HDAC4: variants seen among roughly 807,000 people sequenced by gnomAD.
HDAC4 encodes the protein histone deacetylase 4.
A neutral mutation model predicts 135.1 loss-of-function variants in HDAC4; 16 were observed. The observed-to-expected ratio is 0.12, with a 90% CI of 0.08 to 0.18. The LOEUF (loss-of-function observed/expected upper bound fraction) is 0.18, where lower values mean the gene tolerates loss of function less well. Ranked by LOEUF, HDAC4 falls within the 10% of genes least tolerant of loss-of-function variation. HDAC4 has a pLI of 1.00. For synonymous variants in HDAC4, 685 were observed against 653.4 expected (o/e 1.05, Z -0.74); for missense variants, 1,143 against 1,511.8 (o/e 0.76, Z 4.05).
rs139469705 is a variant in HDAC4, at chr2:239,375,679, G to A, written c.-219-22761C>T. 2.3e-3 allele frequency among the ~76,000 whole-genome samples: 347 copies of A among 152,344 alleles called. 1 individual carries two copies. Among genetic ancestry groups the A allele is most frequent in the African/African-American group, 7.9e-3 (328 of 41,584 alleles). On this transcript the variant is annotated intron_variant, in intron 1 of 26. Coordinates refer to ENST00000543185, the MANE Select transcript of HDAC4 (RefSeq NM_001378414.1). ...TCAGTCACGCACAGGCTCCAGTGGC[G>A]CAGCAGAAGGGCAGTCTGGGGTGGA...
At chr2:239,128,181 G>C (rs950647624) in intron 11 of HDAC4, among the ~76,000 whole-genome samples, 1 of 152,134 alleles carries the variant, frequency 6.6e-6, no homozygotes, top group Non-Finnish European at 1.5e-5. Flanking sequence ...TTAAATTACA[G>C]TGAATAACTA....
intron 1 of HDAC4, among the ~76,000 whole-genome samples, chr2:239,377,882 T>C (rs377371461): frequency 2.0e-5 from 3 of 152,158 alleles, no homozygotes; most frequent in South Asian, 4.1e-4. Flanking sequence ...TGGGACTGTC[T>C]CCATATGCCA....
At chr2:239,097,805 A>G (rs994742022) in intron 16 of HDAC4, among the ~76,000 whole-genome samples, 1 of 152,122 alleles carries the variant, frequency 6.6e-6, no homozygotes, top group Non-Finnish European at 1.5e-5. Context: ...TGCCAACCTC[A>G]CCACAGTGGG....
chr2:239,388,355 T>C lies in HDAC4; in HGVS notation c.-220+12623A>G, dbSNP rs150010763. ...ACCTAATCCCAAAGCACATTCCTTC[T>C]AACACACCACTTGCCCGCAGGGAGG... On this transcript the variant is annotated intron_variant, in intron 1 of 26. Transcript: ENST00000543185. 3.4e-3 allele frequency among the ~76,000 whole-genome samples: 514 copies of C among 152,300 alleles called. 5 individuals carry two copies. The highest frequency in any genetic ancestry group is 0.012 in the African/African-American group (493 of 41,570).
At chr2:239,158,414 T>A (rs1274474397) in intron 6 of HDAC4, among the ~76,000 whole-genome samples, 1 of 152,202 alleles carries the variant, frequency 6.6e-6, no homozygotes, top group East Asian at 1.9e-4. Context: ...AAAATTATTA[T>A]ATTTGAACGG....
Position 239,134,324 on chromosome 2 carries a change from G to A in HDAC4, c.1215C>T (p.Asp405=), listed in dbSNP as rs143827247. The change falls in exon 11 of 27, where the codon GAC becomes GAT. Residue 405 remains aspartate (D), a synonymous_variant. Transcript: ENST00000543185. The part of the protein sequence containing the change: ...PYLSTSPLER[D]GGAAHSPLLQ... ...GAAGAGGGCTGTGCGCTGCCCCTCC[G>A]TCCCGCTCCAAGGGCGAGGTGCTCA... The A allele has an allele frequency of 3.0e-5, 49 of 1,613,778 alleles. No individual in the cohort carries two copies. The highest frequency in any genetic ancestry group is 2.4e-4 in the African/African-American group (18 of 74,940).
intron 6 of HDAC4, among the ~76,000 whole-genome samples, chr2:239,161,042 C>A (rs1465857071): frequency 6.6e-6 from 1 of 152,204 alleles, no homozygotes; most frequent in Non-Finnish European, 1.5e-5. Flanking sequence ...TGATGACCAG[C>A]CATCTTGAGC....
Position 239,106,214 on chromosome 2 carries a change from G to T in HDAC4, c.2112+1836C>A, listed in dbSNP as rs115005465. Among the ~76,000 whole-genome samples the T allele has an allele frequency of 2.2e-3, 341 of 152,280 alleles. 1 individual carries two copies. Among genetic ancestry groups the T allele is most frequent in the African/African-American group, 7.9e-3 (330 of 41,546 alleles). ...AGGAGCTGAGGGCGGGCGGAGGAGC[G>T]GGCTGTTTCTTCCAGGGTCTTTGCT... On this transcript the variant is annotated intron_variant, in intron 15 of 26. Transcript: ENST00000543185.
At chr2:239,138,924 G>A (rs1170230155) in intron 9 of HDAC4, among the ~76,000 whole-genome samples, 1 of 152,208 alleles carries the variant, frequency 6.6e-6, no homozygotes, top group East Asian at 1.9e-4. Context: ...GCCAGCCTGG[G>A]CGCCACTCCT....
chr2:239,149,053 A>G (rs1045557522), intron 7 of HDAC4, among the ~76,000 whole-genome samples: 1 of 152,226 alleles, frequency 6.6e-6, no homozygotes, highest in Admixed American at 6.5e-5. Context: ...TTCTCCTATC[A>G]TGAACATCAT....
chr2:239,255,268 G>A (rs191117157), intron 2 of HDAC4, among the ~76,000 whole-genome samples: 50 of 151,430 alleles, frequency 3.3e-4, no homozygotes, highest in Middle Eastern at 3.4e-3. Context: ...TACAGATACC[G>A]AGACTATGTG....
chr2:239,234,541 T>A (rs2047771507), intron 3 of HDAC4, among the ~76,000 whole-genome samples: 1 of 152,242 alleles, frequency 6.6e-6, no homozygotes, highest in Non-Finnish European at 1.5e-5. Flanking sequence ...AACGGGACAC[T>A]GAGATGACAT....
rs1364285444 is a variant in HDAC4 at position 239,146,297 on chromosome 2, C to G, written c.734-1583G>C. Reference sequence around the variant, plus strand: ...TAGGCAAGAAAACAGTACCTCTTCTCTCACCACCAGATCTCCACTGAAACC... The same window carrying G: ...TAGGCAAGAAAACAGTACCTCTTCTGTCACCACCAGATCTCCACTGAAACC... On this transcript the variant is annotated intron_variant, in intron 7 of 26. Coordinates refer to ENST00000543185, the MANE Select transcript of HDAC4 (RefSeq NM_001378414.1). This position sits in a 1 kb window ranked among gnomAD's most constrained non-coding sequence, Gnocchi z 4.5. Among the ~76,000 whole-genome samples the G allele has an allele frequency of 6.6e-6, 1 of 152,208 alleles. No homozygotes were observed. Among genetic ancestry groups the G allele is most frequent in the East Asian group, 1.9e-4 (1 of 5,190 alleles).
intron 2 of HDAC4, among the ~76,000 whole-genome samples, chr2:239,305,941 A>G (rs978027489): frequency 6.6e-6 from 1 of 152,196 alleles, no homozygotes; most frequent in Non-Finnish European, 1.5e-5. Context: ...GAACCGTGAC[A>G]AAGAGCTGGT....
chr2:239,277,857 A>G (rs1024509035), intron 2 of HDAC4, among the ~76,000 whole-genome samples: 1 of 152,214 alleles, frequency 6.6e-6, no homozygotes, highest in South Asian at 2.1e-4. Context: ...CCGGAAACAA[A>G]TAACTGAGAA....
chr2:239,223,035 T>G (rs2047050621), intron 3 of HDAC4, among the ~76,000 whole-genome samples: 1 of 152,154 alleles, frequency 6.6e-6, no homozygotes, highest in Admixed American at 6.5e-5. Flanking sequence ...TAAAAATATA[T>G]TGTCTGAAAA....
intron 12 of HDAC4, among the ~76,000 whole-genome samples, chr2:239,116,261 C>G (rs1179987436): frequency 6.6e-6 from 1 of 152,236 alleles, no homozygotes. Context: ...TAATGGCCTG[C>G]CAGACGCCTC....
intron 3 of HDAC4, among the ~76,000 whole-genome samples, chr2:239,227,752 C>T (rs1171081548): frequency 1.3e-5 from 2 of 152,188 alleles, no homozygotes; most frequent in Non-Finnish European, 2.9e-5. Flanking sequence ...AGAGGGCTAA[C>T]ACCATTAAAA....
intron 5 of HDAC4, among the ~76,000 whole-genome samples, chr2:239,165,039 ATGATGAAACCCTGTCTCT>A (rs2043041078): frequency 6.6e-6 from 1 of 152,132 alleles, no homozygotes; most frequent in African/African-American, 2.4e-5. Flanking sequence ...CCTGGACAAC[ATGATGAAACCCTGTCTCT>A]ACTAAAAATA....
Sources: allele counts gnomAD v4.1 joint callset (sites outside exome capture counted in the v4.1 genomes callset), GRCh38; gene constraint gnomAD v4.1.1; non-coding constraint Gnocchi (gnomAD v3.1); transcripts MANE v1.5; gene names NCBI Gene and HGNC (gene_info 2026-07-23, HGNC 2026-07-21).